The following ETV4 variants were observed in gnomAD, a reference collection of about 807,000 sequenced individuals.
ETV4 encodes ETS translocation variant 4.
ETV4 carries 42 observed loss-of-function variants against 65.9 expected under a neutral mutation model. That is an observed-to-expected ratio of 0.64 (90% CI 0.50 to 0.82). The LOEUF (loss-of-function observed/expected upper bound fraction) is 0.82, where lower values mean the gene tolerates loss of function less well. Among genes scored for constraint, ETV4 ranks in the 40% least tolerant of loss-of-function variants. The pLI, the probability that ETV4 is intolerant of heterozygous loss-of-function variation, is 0.00. For synonymous variants in ETV4, 238 were observed against 260.0 expected (o/e 0.92, Z 0.81); for missense variants, 583 against 630.3 (o/e 0.92, Z 0.80).
chr17:43,537,979 A>G lies in ETV4; in HGVS notation c.203-1500T>C, dbSNP rs1057260869. Among the ~76,000 whole-genome samples the G allele has an allele frequency of 7.9e-5, 12 of 152,186 alleles. No individual in the cohort carries two copies. In the East Asian group the frequency reaches 2.3e-3, roughly 29 times the overall value. ...CTGTCTCTACTAAAAATACAAAAAA[A>G]ATTAGCCGGGTGTGGTGGCGGGTGC... On this transcript the variant is annotated intron_variant, in intron 4 of 12. Coordinates refer to ENST00000319349, the MANE Select transcript of ETV4 (RefSeq NM_001079675.5).
intron 4 of ETV4, among the ~76,000 whole-genome samples, chr17:43,540,049 GAACA>G (rs1409988834): frequency 6.6e-6 from 1 of 152,160 alleles, no homozygotes; most frequent in Non-Finnish European, 1.5e-5. Flanking sequence ...CCGCTGGCAA[GAACA>G]AACAGAAACA....
chr17:43,543,576 G>T (rs1384371799), intron 4 of ETV4, among the ~76,000 whole-genome samples: 1 of 152,150 alleles, frequency 6.6e-6, no homozygotes, highest in Non-Finnish European at 1.5e-5. Context: ...CACTGGGAAA[G>T]GAAGTCTTTG....
At chr17:43,528,844 C>T (rs1736011154) in intron 12 of ETV4, 101 bp from the exon 13 acceptor site, 2 of 909,098 alleles carry the variant, frequency 2.2e-6, no homozygotes, top group Non-Finnish European at 3.4e-6. Flanking sequence ...CCAGTACAGG[C>T]AGATGCTCGG....
In ETV4 at chr17:43,545,313, G is replaced by C. The variant is rs372154151; in HGVS notation, c.115C>G (p.Leu39Val). Reference sequence around the variant, plus strand: ...GGCGGCAGGGAGCCCGGGTCCATGAGCTTCCCCAGCGGGCCGATCAGCGCT... The same window carrying C: ...GGCGGCAGGGAGCCCGGGTCCATGACCTTCCCCAGCGGGCCGATCAGCGCT... ...REALIGPLGK[L>V]MDPGSLPPLD... The change falls in exon 3 of 13, where the codon CTC becomes GTC. Residue 39 changes from leucine (L) to valine (V), a missense_variant. Physicochemically the swap from Leu to Val is conservative, Grantham distance 32. Transcript: ENST00000319349. The C allele has an allele frequency of 1.2e-6, 2 of 1,610,022 alleles. No homozygotes were observed. The highest frequency in any genetic ancestry group is 4.5e-5 in the East Asian group (2 of 44,742).
chr17:43,533,482 C>G, intron 6 of ETV4, 134 bp from the exon 7 acceptor site: 1 of 831,768 alleles, frequency 1.2e-6, no homozygotes, highest in Non-Finnish European at 1.9e-6. Context: ...AAGGGAACGG[C>G]AGGAGCCACA....
At position 43,532,902 on chromosome 17, in the gene ETV4, A is replaced by T. The variant is rs150119757; in HGVS notation, c.583T>A (p.Phe195Ile). The T allele has an allele frequency of 8.8e-3, 13,960 of 1,594,442 alleles. 91 individuals are homozygous for T. The highest frequency in any genetic ancestry group is 0.016 in the Middle Eastern group (94 of 5,968). Residue 195 changes from phenylalanine to isoleucine, a missense_variant, in exon 8 of 13, where the codon TTC (phenylalanine) becomes ATC (isoleucine). Physicochemically the swap from Phe to Ile is conservative, Grantham distance 21. Coordinates refer to ENST00000319349, the MANE Select transcript of ETV4 (RefSeq NM_001079675.5). The stretch of plus-strand genomic sequence containing the variant: ...TCCCGGCCCCCTCCCTGAGATGTGA[A>T]GGAGTGGCAAATGTCCAGGGGCTGC... ...FQQPLDICHS[F>I]TSQGGGREPL...
chr17:43,545,420 G>A (rs1598224699), intron 2 of ETV4, 53 bp from the exon 3 acceptor site: 2 of 1,496,598 alleles, frequency 1.3e-6, no homozygotes, highest in East Asian at 4.9e-5. Flanking sequence ...CTTAGTCTGG[G>A]GGACGAGGTT....
rs34640745 is a variant in ETV4, at chr17:43,545,194, CGTGTGTGTGTGTGTGT to C, written c.154+64_154+79del. The C allele has an allele frequency of 3.1e-3, 1,944 of 636,810 alleles. 13 individuals are homozygous for C. Among genetic ancestry groups the C allele is most frequent in the East Asian group, 3.2e-3 (106 of 33,558 alleles). 39.4% of individuals were successfully genotyped at this position (636,810 alleles called of 1,614,324 possible). ...AACAGGCGGGGGTTCCAGAATCGGCCGTGTGTGTGTGTGTGTGTGTGTGTGTGTGTGTGTGTGTGTG... is the reference window on the plus strand; with the variant it reads ...AACAGGCGGGGGTTCCAGAATCGGCCGTGTGTGTGTGTGTGTGTGTGTGTG... On this transcript the variant is annotated intron_variant, in intron 3 of 12. Transcript: ENST00000319349.
At chr17:43,533,151 TG>T in intron 7 of ETV4, 35 bp downstream of exon 7, 1 of 1,607,378 alleles carries the variant, frequency 6.2e-7, no homozygotes, top group Non-Finnish European at 8.5e-7. Context: ...AAAAAACACC[TG>T]GGCCCATGAG....
At chr17:43,545,083 C>T (rs1379381253) in intron 3 of ETV4, 61 bp from the exon 4 acceptor site, 4 of 1,550,662 alleles carry the variant, frequency 2.6e-6, no homozygotes, top group Non-Finnish European at 3.6e-6. Flanking sequence ...AGAAGGGGCC[C>T]TAGCAAGACC....
chr17:43,533,987 T>C lies in ETV4; in HGVS notation c.257-2A>G, dbSNP rs373514436. 21 of 1,525,720 alleles carry C rather than the reference T, an allele frequency of 1.4e-5. No individual in the cohort carries two copies. The highest frequency in any genetic ancestry group is 1.8e-5 in the Non-Finnish European group (21 of 1,149,312). 94.5% of individuals were successfully genotyped at this position (1,525,720 alleles called of 1,614,324 possible). ...TGGTGGTGGGGCTGTGGAAAGCTACTGTGGGGGTGGAGGGGACAGAGCAAG... is the reference window on the plus strand; with the variant it reads ...TGGTGGTGGGGCTGTGGAAAGCTACCGTGGGGGTGGAGGGGACAGAGCAAG... On this transcript the variant is annotated splice_acceptor_variant, in intron 5 of 12. Coordinates refer to ENST00000319349, the MANE Select transcript of ETV4 (RefSeq NM_001079675.5). LOFTEE classifies it high-confidence loss of function.
intron 4 of ETV4, among the ~76,000 whole-genome samples, chr17:43,538,713 T>C (rs916686699): frequency 2.6e-5 from 4 of 152,078 alleles, no homozygotes; most frequent in African/African-American, 9.7e-5. Context: ...CAGCAGGAAA[T>C]GTAGACACCA....
intron 2 of ETV4, 76 bp downstream of exon 2, chr17:43,545,482 G>A: frequency 6.8e-7 from 1 of 1,473,286 alleles, no homozygotes; most frequent in Non-Finnish European, 9.2e-7. Context: ...CGCTGGGACT[G>A]CGGGGAGGGG....
Position 43,542,803 on chromosome 17 carries a change from C to T in ETV4, c.202+2172G>A, listed in dbSNP as rs534261744. 3.9e-5 allele frequency among the ~76,000 whole-genome samples: 6 copies of T among 152,290 alleles called. No individual in the cohort carries two copies. In the South Asian group the frequency reaches 1.2e-3, roughly 32 times the overall value. On this transcript the variant is annotated intron_variant, in intron 4 of 12. Coordinates refer to ENST00000319349, the MANE Select transcript of ETV4 (RefSeq NM_001079675.5). ...GACCCACCCACACTACCAGGACCCCCCTGCTGCTTCTCTTCAAATTGGGGC... is the reference window on the plus strand; with the variant it reads ...GACCCACCCACACTACCAGGACCCCTCTGCTGCTTCTCTTCAAATTGGGGC...
chr17:43,534,890 G>A (rs143318603), intron 5 of ETV4, among the ~76,000 whole-genome samples: 5 of 152,034 alleles, frequency 3.3e-5, no homozygotes, highest in Non-Finnish European at 5.9e-5. Flanking sequence ...GCAGTGAGCC[G>A]AGATCACACC....
chr17:43,544,498 GT>G (rs1393839775), intron 4 of ETV4: 1 of 157,546 alleles, frequency 6.3e-6, no homozygotes, highest in Non-Finnish European at 1.4e-5. Flanking sequence ...AAATTGTTTG[GT>G]GCTGGGGGTT....
At chr17:43,541,017 C>T (rs1567714958) in intron 4 of ETV4, among the ~76,000 whole-genome samples, 1 of 152,110 alleles carries the variant, frequency 6.6e-6, no homozygotes, top group Non-Finnish European at 1.5e-5. Context: ...TCAGCATCAT[C>T]TTGCCTTTCT....
chr17:43,545,934 C>CAT (rs1230319670), intron 1 of ETV4: 2 of 262,538 alleles, frequency 7.6e-6, no homozygotes, highest in African/African-American at 5.3e-5. Context: ...TACATAAGAA[C>CAT]GTGTGTGTGT....
intron 8 of ETV4, among the ~76,000 whole-genome samples, chr17:43,530,607 CGCGTGT>C (rs111721930): frequency 0.045 from 6,190 of 138,686 alleles, 435 homozygotes; most frequent in African/African-American, 0.15. Flanking sequence ...TGTGCACGCG[CGCGTGT>C]GTGTGTGTGT....
Sources: allele counts gnomAD v4.1 joint callset (sites outside exome capture counted in the v4.1 genomes callset), GRCh38; gene constraint gnomAD v4.1.1; transcripts MANE v1.5; gene names NCBI Gene and HGNC (gene_info 2026-07-23, HGNC 2026-07-21).